PRKG1: variants seen among roughly 807,000 people sequenced by gnomAD.
PRKG1 encodes the protein protein kinase cGMP-dependent 1.
Under a neutral mutation model 88.1 loss-of-function variants are expected in PRKG1, and 35 were observed. The ratio of observed to expected loss-of-function variants is 0.40; its 90% confidence interval spans 0.30 to 0.53. PRKG1 has a LOEUF of 0.53. PRKG1 is among the 20% of genes least tolerant of loss of function. The pLI is 0.59. For synonymous variants in PRKG1, 303 were observed against 292.5 expected, an observed-to-expected ratio of 1.04 and a Z score of -0.37; for missense variants, 540 against 839.8, an observed-to-expected ratio of 0.64 and a Z score of 4.41.
chr10:51,628,651 C>T (rs1477333239), intron 3 of PRKG1, among the ~76,000 whole-genome samples: 3 of 152,144 alleles, frequency 2.0e-5, no homozygotes, highest in Non-Finnish European at 4.4e-5. Context: ...AATCAAAAAG[C>T]TTTCAAGTTT....
At position 51,978,436 on chromosome 10, in the gene PRKG1, C is replaced by CTT. The variant is rs34946662; in HGVS notation, c.762+70882_762+70883dup. ...TAGGATTGCCTTGGCCATTCGGGCT[C>CTT]TTTTTTTTTTTTTTTTTAGCTCCCT... On this transcript the variant is annotated intron_variant, in intron 5 of 17. Transcript: ENST00000373980. 8.0e-4 allele frequency among the ~76,000 whole-genome samples: 108 copies of CTT among 134,316 alleles called. 2 individuals are homozygous for CTT. Among genetic ancestry groups the CTT allele is most frequent in the African/African-American group, 2.6e-3 (97 of 36,728 alleles). The allele number at this position is 134,316 out of a possible 152,430, so 88.1% of individuals were successfully genotyped here.
chr10:51,668,078 T>C lies in PRKG1; in HGVS notation c.593-136507T>C, dbSNP rs914501697. Reference sequence around the variant, plus strand: ...AATTTCAAATCTGCTGCCATTTTCTTGCTTGTAACTATTGGGAGAGAAGAA... The same window carrying C: ...AATTTCAAATCTGCTGCCATTTTCTCGCTTGTAACTATTGGGAGAGAAGAA... On this transcript the variant is annotated intron_variant, in intron 3 of 17. Coordinates refer to ENST00000373980, the MANE Select transcript of PRKG1 (RefSeq NM_006258.4). Among the ~76,000 whole-genome samples the C allele has an allele frequency of 3.0e-4, 45 of 152,340 alleles. 1 individual carries two copies. Among genetic ancestry groups the C allele is most frequent in the African/African-American group, 1.1e-3 (45 of 41,586 alleles).
intron 4 of PRKG1, among the ~76,000 whole-genome samples, chr10:51,840,030 T>C (rs1054692175): frequency 3.3e-5 from 5 of 152,204 alleles, no homozygotes; most frequent in African/African-American, 1.2e-4. Flanking sequence ...AGATCAGCAG[T>C]TCAGGAGCAA....
intron 3 of PRKG1, among the ~76,000 whole-genome samples, chr10:51,647,623 A>G (rs1467138162): frequency 6.6e-6 from 1 of 152,224 alleles, no homozygotes; most frequent in African/African-American, 2.4e-5. Context: ...GTACTCTAAC[A>G]CAGTCTCAAA....
intron 2 of PRKG1, among the ~76,000 whole-genome samples, chr10:51,339,983 CA>C (rs1298691665): frequency 6.6e-6 from 1 of 151,996 alleles, no homozygotes; most frequent in Non-Finnish European, 1.5e-5. Context: ...AAGATTTCAC[CA>C]ACTTATACTT....
chr10:51,093,134 C>A (rs1844438444), intron 1 of PRKG1, among the ~76,000 whole-genome samples: 1 of 152,114 alleles, frequency 6.6e-6, no homozygotes, highest in South Asian at 2.1e-4. Context: ...CTGCGGTTCT[C>A]AAAGTGTGAG....
intron 7 of PRKG1, among the ~76,000 whole-genome samples, chr10:52,079,793 T>A (rs186614502): frequency 3.9e-5 from 6 of 152,168 alleles, no homozygotes; most frequent in Non-Finnish European, 7.4e-5. Flanking sequence ...AAAATTCTGG[T>A]TTGAATTTAG....
At chr10:51,705,316 T>C (rs978315151) in intron 3 of PRKG1, among the ~76,000 whole-genome samples, 3 of 152,220 alleles carry the variant, frequency 2.0e-5, no homozygotes, top group Non-Finnish European at 4.4e-5. Flanking sequence ...ATCTGATTGA[T>C]ATTCTCCACA....
At chr10:51,257,290 T>C (rs1485802763) in intron 2 of PRKG1, among the ~76,000 whole-genome samples, 1 of 152,106 alleles carries the variant, frequency 6.6e-6, no homozygotes, top group Non-Finnish European at 1.5e-5. Context: ...ATTTTAAGTT[T>C]AGCAGAGCTA....
chr10:52,293,796 T>C lies in PRKG1; in HGVS notation c.1963-6T>C, dbSNP rs1842324467. The C allele has an allele frequency of 1.9e-6, 3 of 1,607,720 alleles. No homozygotes were observed. Among genetic ancestry groups the C allele is most frequent in the Non-Finnish European group, 2.5e-6 (3 of 1,176,826 alleles). On this transcript the variant is annotated splice_region_variant and splice_polypyrimidine_tract_variant and intron_variant, in intron 17 of 17. Transcript: ENST00000373980. ...CCACTAAAAAAAACCTGTCCATTTTTTACAGGTTGCATCACCCACAGACAC... is the reference window on the plus strand; with the variant it reads ...CCACTAAAAAAAACCTGTCCATTTTCTACAGGTTGCATCACCCACAGACAC...
At chr10:51,542,668 G>T (rs561277644) in intron 3 of PRKG1, among the ~76,000 whole-genome samples, 3 of 51,388 alleles carry the variant, frequency 5.8e-5, no homozygotes, top group African/African-American at 1.3e-4. Flanking sequence ...CTTGTGTTTC[G>T]CATGATAGTC....
intron 6 of PRKG1, among the ~76,000 whole-genome samples, chr10:52,061,965 A>C (rs564222324): frequency 1.1e-4 from 16 of 152,224 alleles, no homozygotes; most frequent in Non-Finnish European, 2.1e-4. Flanking sequence ...AGCAGAATGA[A>C]TAAAAGAAAG....
At chr10:51,619,935 T>A (rs1715317721) in intron 3 of PRKG1, among the ~76,000 whole-genome samples, 1 of 152,122 alleles carries the variant, frequency 6.6e-6, no homozygotes, top group South Asian at 2.1e-4. Context: ...AACTGTAGTT[T>A]TTTCTTTAAC....
At chr10:51,683,351 C>CAA (rs1840898465) in intron 3 of PRKG1, among the ~76,000 whole-genome samples, 1 of 138,096 alleles carries the variant, frequency 7.2e-6, no homozygotes, top group Admixed American at 7.2e-5. Flanking sequence ...AAACAAAACA[C>CAA]CACAATGAGA....
At chr10:51,807,998 A>T (rs1446659965) in intron 4 of PRKG1, among the ~76,000 whole-genome samples, 1 of 150,408 alleles carries the variant, frequency 6.6e-6, no homozygotes, top group South Asian at 2.2e-4. Flanking sequence ...AATAATATTA[A>T]TTCCTTCTTC....
At chr10:51,753,425 C>T (rs796075586) in intron 3 of PRKG1, among the ~76,000 whole-genome samples, 1 of 152,088 alleles carries the variant, frequency 6.6e-6, no homozygotes, top group South Asian at 2.1e-4. Flanking sequence ...TCAAGTATAG[C>T]AGCACTGTCC....
chr10:51,979,865 T>C (rs370476503), intron 5 of PRKG1, among the ~76,000 whole-genome samples: 1 of 152,100 alleles, frequency 6.6e-6, no homozygotes, highest in East Asian at 1.9e-4. Context: ...TTGTGTTTAT[T>C]TGGATCTTCT....
At chr10:51,354,387 C>T (rs1328144210) in intron 2 of PRKG1, among the ~76,000 whole-genome samples, 1 of 152,084 alleles carries the variant, frequency 6.6e-6, no homozygotes, top group Non-Finnish European at 1.5e-5. Context: ...GATTATTACA[C>T]TTTGCATGTC....
chr10:51,814,388 G>A (rs1443211972), intron 4 of PRKG1, among the ~76,000 whole-genome samples: 4 of 151,996 alleles, frequency 2.6e-5, no homozygotes, highest in Non-Finnish European at 4.4e-5. Flanking sequence ...AAAAAGAGAT[G>A]GGAAAGAGAA....
Sources: allele counts gnomAD v4.1 joint callset (sites outside exome capture counted in the v4.1 genomes callset), GRCh38; gene constraint gnomAD v4.1.1; transcripts MANE v1.5; gene names NCBI Gene and HGNC (gene_info 2026-07-23, HGNC 2026-07-21).